The following B3GALT1 variants were observed in gnomAD, a reference collection of about 807,000 sequenced individuals.
B3GALT1 encodes the protein UDP-Gal:betaGlcNAc beta 1,3-galactosyltransferase, polypeptide 1.
Under a neutral mutation model 23.2 loss-of-function variants are expected in B3GALT1, and 10 were observed. The ratio of observed to expected loss-of-function variants is 0.43; its 90% CI spans 0.27 to 0.73. B3GALT1 has a LOEUF of 0.73. Among genes scored for constraint, B3GALT1 ranks in the 30% least tolerant of loss-of-function variants. The pLI, the probability that B3GALT1 is intolerant of heterozygous loss-of-function variation, is 0.21. For missense variants in B3GALT1, 299 were observed against 405.4 expected, an observed-to-expected ratio of 0.74 and a Z score of 2.25; for synonymous variants, 156 against 141.5, an observed-to-expected ratio of 1.10 and a Z score of -0.73.
At chr2:167,392,189 A>T (rs1698023390) in intron 1 of B3GALT1, among the ~76,000 whole-genome samples, 1 of 151,916 alleles carries the variant, frequency 6.6e-6, no homozygotes, top group African/African-American at 2.4e-5. Flanking sequence ...CATTCTCCAA[A>T]TTATTCTTTT....
At chr2:167,365,911 G>C (rs1229420530) in intron 1 of B3GALT1, among the ~76,000 whole-genome samples, 1 of 152,134 alleles carries the variant, frequency 6.6e-6, no homozygotes, top group African/African-American at 2.4e-5. Flanking sequence ...TATGTGGAAG[G>C]AAACTGAATC....
intron 1 of B3GALT1, among the ~76,000 whole-genome samples, chr2:167,323,878 C>T (rs1302506788): frequency 6.6e-6 from 1 of 151,812 alleles, no homozygotes; most frequent in Admixed American, 6.6e-5. Flanking sequence ...TACTTGTCCA[C>T]TCCCTATGAC....
At chr2:167,632,828 T>C (rs1012513316) in intron 2 of B3GALT1, among the ~76,000 whole-genome samples, 3 of 152,130 alleles carry the variant, frequency 2.0e-5, no homozygotes, top group African/African-American at 7.2e-5. Flanking sequence ...ATTTTGGCTT[T>C]TGTTGCCATT....
At chr2:167,822,379 C>T (rs1423930546) in intron 4 of B3GALT1, among the ~76,000 whole-genome samples, 1 of 152,174 alleles carries the variant, frequency 6.6e-6, no homozygotes, top group Non-Finnish European at 1.5e-5. Context: ...CCACCTCATC[C>T]TGTGTAATTA....
chr2:167,394,253 C>A (rs1165002796), intron 1 of B3GALT1, among the ~76,000 whole-genome samples: 4 of 152,126 alleles, frequency 2.6e-5, no homozygotes, highest in Admixed American at 2.0e-4. Context: ...TTTAAACATT[C>A]ACAGTTTTAG....
intron 3 of B3GALT1, among the ~76,000 whole-genome samples, chr2:167,736,440 C>T (rs1210156567): frequency 1.3e-5 from 2 of 152,126 alleles, no homozygotes; most frequent in South Asian, 2.1e-4. Flanking sequence ...GGGTTCAAGG[C>T]AGTGGTGGAT....
chr2:167,588,041 T>C (rs983079061), intron 2 of B3GALT1, among the ~76,000 whole-genome samples: 31 of 152,320 alleles, frequency 2.0e-4, no homozygotes, highest in African/African-American at 6.5e-4. Flanking sequence ...CTGGCACTGA[T>C]GAAAATTTGC....
At chr2:167,625,049 T>A (rs1685316380) in intron 2 of B3GALT1, among the ~76,000 whole-genome samples, 5 of 151,916 alleles carry the variant, frequency 3.3e-5, no homozygotes, top group Admixed American at 3.3e-4. Context: ...GCATGCATCA[T>A]GAGAAATATA....
intron 3 of B3GALT1, among the ~76,000 whole-genome samples, chr2:167,653,664 A>G (rs1306286791): frequency 6.6e-6 from 1 of 152,106 alleles, no homozygotes; most frequent in Non-Finnish European, 1.5e-5. Flanking sequence ...TCACGCTCCT[A>G]ATAGGCTTCC....
chr2:167,318,056 G>A (rs890350444), intron 1 of B3GALT1, among the ~76,000 whole-genome samples: 11 of 152,008 alleles, frequency 7.2e-5, no homozygotes, highest in Non-Finnish European at 1.3e-4. Flanking sequence ...GGCCGGACGC[G>A]GTGGCTCACG....
intron 2 of B3GALT1, among the ~76,000 whole-genome samples, chr2:167,599,024 A>G (rs534694483): frequency 2.6e-5 from 4 of 152,318 alleles, no homozygotes; most frequent in African/African-American, 9.6e-5. Flanking sequence ...TAGAGAGATC[A>G]TCTGGTCCAA....
At chr2:167,443,757 G>A (rs540588604) in intron 1 of B3GALT1, among the ~76,000 whole-genome samples, 4 of 152,334 alleles carry the variant, frequency 2.6e-5, no homozygotes, top group Admixed American at 1.3e-4. Flanking sequence ...TCAGCTTAAG[G>A]AGATTTTGGG....
intron 4 of B3GALT1, among the ~76,000 whole-genome samples, chr2:167,851,977 C>A (rs1355705630): frequency 6.6e-6 from 1 of 152,208 alleles, no homozygotes; most frequent in Non-Finnish European, 1.5e-5. Flanking sequence ...TTCAATCTGG[C>A]AGTAAACAGC....
chr2:167,341,772 C>T (rs1284543360), intron 1 of B3GALT1, among the ~76,000 whole-genome samples: 1 of 152,198 alleles, frequency 6.6e-6, no homozygotes, highest in East Asian at 1.9e-4. Context: ...CTTCATCAGA[C>T]TCATTTTTCT....
At chr2:167,731,699 C>T (rs138816710) in intron 3 of B3GALT1, among the ~76,000 whole-genome samples, 1 of 149,610 alleles carries the variant, frequency 6.7e-6, no homozygotes, top group Admixed American at 6.7e-5. Context: ...CAGGCATCTC[C>T]CATTTACATG....
intron 4 of B3GALT1, among the ~76,000 whole-genome samples, chr2:167,824,016 G>C (rs1689162502): frequency 6.6e-6 from 1 of 152,220 alleles, no homozygotes; most frequent in Admixed American, 6.5e-5. Flanking sequence ...GCTGAGGAAG[G>C]GGTGTGTGGA....
rs952687385 is a variant in B3GALT1 at position 167,807,215 on chromosome 2, A to G, written c.-351-11457A>G. Among the ~76,000 whole-genome samples the G allele has an allele frequency of 5.0e-4, 76 of 152,046 alleles. 1 individual carries two copies. The highest frequency in any genetic ancestry group is 1.7e-3 in the African/African-American group (71 of 41,454). ...TTGATTCTTCTCTCTTTTCTTCTTA[A>G]TTAGTCTTGCTAACGGTCTATCAAT... On this transcript the variant is annotated intron_variant, in intron 3 of 4. Transcript: ENST00000392690.
At chr2:167,836,543 A>G (rs1475718142) in intron 4 of B3GALT1, among the ~76,000 whole-genome samples, 3 of 152,358 alleles carry the variant, frequency 2.0e-5, no homozygotes, top group Admixed American at 6.5e-5. Flanking sequence ...GACCAAATCT[A>G]CGTCTGATTG....
At chr2:167,543,115 A>G (rs1656563738) in intron 2 of B3GALT1, among the ~76,000 whole-genome samples, 1 of 152,154 alleles carries the variant, frequency 6.6e-6, no homozygotes. Context: ...CAGCTCAGTC[A>G]ATAACAGAGG....
Sources: allele counts gnomAD v4.1 joint callset (sites outside exome capture counted in the v4.1 genomes callset), GRCh38; gene constraint gnomAD v4.1.1; transcripts MANE v1.5; gene names NCBI Gene and HGNC (gene_info 2026-07-23, HGNC 2026-07-21).